ZMYND11: variants seen among roughly 807,000 people sequenced by gnomAD.
ZMYND11 encodes zinc finger MYND-type containing 11.
ZMYND11 carries 9 observed loss-of-function variants against 84.9 expected under a neutral mutation model. The observed-to-expected ratio is 0.11, with a 90% CI of 0.06 to 0.18. The LOEUF (loss-of-function observed/expected upper bound fraction) is 0.18, where lower values mean the gene tolerates loss of function less well. Among genes scored for constraint, ZMYND11 ranks in the 10% least tolerant of loss-of-function variants. ZMYND11 has a pLI of 1.00. For synonymous variants in ZMYND11, 250 were observed against 244.1 expected (o/e 1.02, Z -0.23); for missense variants, 409 against 761.0 (o/e 0.54, Z 5.44).
intron 14 of ZMYND11, chr10:249,522 T>C: frequency 1.0e-6 from 1 of 985,010 alleles, no homozygotes; most frequent in Non-Finnish European, 1.2e-6. Flanking sequence ...TAGATTTTGT[T>C]AAAGAAATCA....
At chr10:236,750 C>CT in intron 4 of ZMYND11, 88 bp from the exon 5 acceptor site, 1 of 1,120,020 alleles carries the variant, frequency 8.9e-7, no homozygotes. Context: ...TGCATACTAT[C>CT]TAAGTGTTTC....
chr10:201,291 A>AT (rs1359746089), intron 2 of ZMYND11, among the ~76,000 whole-genome samples: 5 of 152,164 alleles, frequency 3.3e-5, no homozygotes, highest in Admixed American at 6.5e-5. Flanking sequence ...GGTGTGAACT[A>AT]TTTATGAGGG....
At chr10:160,008 C>G (rs1554761124) in intron 1 of ZMYND11, among the ~76,000 whole-genome samples, 1 of 152,098 alleles carries the variant, frequency 6.6e-6, no homozygotes, top group African/African-American at 2.4e-5. Context: ...GTAAATACCC[C>G]CAAAGCAGTA....
chr10:146,043 A>T (rs1356990035), intron 1 of ZMYND11, among the ~76,000 whole-genome samples: 1 of 151,880 alleles, frequency 6.6e-6, no homozygotes, highest in African/African-American at 2.4e-5. Flanking sequence ...ATCCATCTTG[A>T]GTTGATTTTT....
Position 237,649 on chromosome 10 carries a change from C to T in ZMYND11, c.581C>T (p.Ser194Leu), listed in dbSNP as rs1320428946. The T allele has an allele frequency of 1.2e-6, 2 of 1,612,500 alleles. No homozygotes were observed. Among genetic ancestry groups the T allele is most frequent in the Non-Finnish European group, 1.7e-6 (2 of 1,179,558 alleles). Reference protein sequence around the residue: ...KHPMYRRLVHSAVDVPTIQEK... With the variant: ...KHPMYRRLVHLAVDVPTIQEK... ...CCGATGTACAGGAGGCTGGTGCACT[C>T]AGCTGTGGACGTTCCCACCATTCAA... The change falls in exon 6 of 15, where the codon TCA becomes TTA. Residue 194 changes from serine (S) to leucine (L), a missense_variant. Ser to Leu is a moderately radical substitution (Grantham distance 145). Transcript: ENST00000381604.
chr10:190,679 T>C (rs574130207), intron 2 of ZMYND11, among the ~76,000 whole-genome samples: 1 of 152,324 alleles, frequency 6.6e-6, no homozygotes, highest in Non-Finnish European at 1.5e-5. Flanking sequence ...ACGTTTCTTC[T>C]TTTCATACCC....
At chr10:171,214 C>T (rs1845234282) in intron 1 of ZMYND11, among the ~76,000 whole-genome samples, 2 of 152,108 alleles carry the variant, frequency 1.3e-5, no homozygotes, top group Non-Finnish European at 2.9e-5. Context: ...AATGAATCCA[C>T]TACTATAGTT....
intron 1 of ZMYND11, among the ~76,000 whole-genome samples, chr10:142,257 T>A (rs1837663150): frequency 6.6e-6 from 1 of 152,168 alleles, no homozygotes; most frequent in African/African-American, 2.4e-5. Context: ...TGTGCCACCA[T>A]GCCTGGCTAA....
intron 1 of ZMYND11, among the ~76,000 whole-genome samples, chr10:163,306 T>A (rs1466007940): frequency 6.6e-6 from 1 of 152,206 alleles, no homozygotes; most frequent in Non-Finnish European, 1.5e-5. Flanking sequence ...TCTATTCATA[T>A]GTTGGACAGT....
rs575272304 is a variant in ZMYND11 at position 208,910 on chromosome 10, A to T, written c.117-979A>T. On this transcript the variant is annotated intron_variant, in intron 2 of 14. Transcript: ENST00000381604. ...TCTGGAGAAGTCTGAGGCCAGTCTG[A>T]TTTAGCTCACACTATGTTTTTTATC... Among the ~76,000 whole-genome samples, 3 of 152,208 alleles carry T rather than the reference A, an allele frequency of 2.0e-5. No individual in the cohort carries two copies. In the South Asian group the frequency reaches 6.2e-4, roughly 32 times the overall value.
At chr10:241,575 A>C (rs1564448954) in intron 9 of ZMYND11, among the ~76,000 whole-genome samples, 3 of 152,320 alleles carry the variant, frequency 2.0e-5, no homozygotes, top group Admixed American at 2.0e-4. Context: ...AATTTCCCCA[A>C]AATAATACAG....
intron 10 of ZMYND11, 137 bp downstream of exon 10, chr10:242,276 C>T (rs546836720): frequency 1.8e-4 from 233 of 1,315,046 alleles, no homozygotes; most frequent in Non-Finnish European, 2.3e-4. Flanking sequence ...TCCAAGAATA[C>T]GTTCCAAGAT....
intron 3 of ZMYND11, among the ~76,000 whole-genome samples, chr10:219,472 G>A (rs1419928134): frequency 6.6e-6 from 1 of 152,126 alleles, no homozygotes; most frequent in African/African-American, 2.4e-5. Context: ...CTTAACTTTG[G>A]AAAGAGTACT....
At chr10:169,027 G>A (rs539977292) in intron 1 of ZMYND11, among the ~76,000 whole-genome samples, 11 of 152,152 alleles carry the variant, frequency 7.2e-5, no homozygotes, top group Admixed American at 7.2e-4. Flanking sequence ...GCGGGAGGGG[G>A]AAAGGGATCA....
chr10:204,414 A>G (rs917809739), intron 2 of ZMYND11, among the ~76,000 whole-genome samples: 8 of 152,098 alleles, frequency 5.3e-5, no homozygotes, highest in Non-Finnish European at 1.2e-4. Context: ...TCTTCTTTTC[A>G]ATCACCTGTC....
At position 248,885 on chromosome 10, in the gene ZMYND11, GT is replaced by G. The variant is rs1554793770; in HGVS notation, c.1501-16del. The G allele has an allele frequency of 6.3e-6, 10 of 1,594,830 alleles. No homozygotes were observed. The highest frequency in any genetic ancestry group is 3.4e-6 in the Non-Finnish European group (4 of 1,170,336). On this transcript the variant is annotated splice_polypyrimidine_tract_variant and intron_variant, in intron 13 of 14. Coordinates refer to ENST00000381604, the MANE Select transcript of ZMYND11 (RefSeq NM_001370100.5). ...TAAGTTGTGTGCTGACGCACTGTGG[GT>G]TGTCTTTTCATTCCAGCTGCGTTCT... is the stretch of plus-strand genomic sequence containing the variant.
chr10:136,279 C>T (rs1038555597), intron 1 of ZMYND11, among the ~76,000 whole-genome samples: 2 of 152,154 alleles, frequency 1.3e-5, no homozygotes, highest in African/African-American at 2.4e-5. Context: ...TGCAGTCTCT[C>T]CTCGCGCTTT....
At chr10:149,756 A>G (rs1839865130) in intron 1 of ZMYND11, among the ~76,000 whole-genome samples, 1 of 152,208 alleles carries the variant, frequency 6.6e-6, no homozygotes, top group South Asian at 2.1e-4. Flanking sequence ...ACTTAGGAGA[A>G]GGGCAATTAT....
chr10:215,819 A>ATGCCTC (rs1252886005), intron 3 of ZMYND11, among the ~76,000 whole-genome samples: 8 of 152,092 alleles, frequency 5.3e-5, no homozygotes, highest in Non-Finnish European at 1.0e-4. Context: ...CAGTGACCCA[A>ATGCCTC]AGTGCTGGAA....
Sources: allele counts gnomAD v4.1 joint callset (sites outside exome capture counted in the v4.1 genomes callset), GRCh38; gene constraint gnomAD v4.1.1; transcripts MANE v1.5; gene names NCBI Gene and HGNC (gene_info 2026-07-23, HGNC 2026-07-21).